LUZP2: variants seen among roughly 807,000 people sequenced by gnomAD.
LUZP2 encodes the protein leucine zipper protein 2.
A neutral mutation model predicts 51.6 loss-of-function variants in LUZP2; 52 were observed. The observed-to-expected ratio is 1.01, with a 90% CI of 0.81 to 1.27. LUZP2 has a LOEUF of 1.27. LUZP2 is among the 50% of genes most tolerant of loss of function. LUZP2 has a pLI of 0.00. For synonymous variants in LUZP2, 154 were observed against 137.3 expected, an observed-to-expected ratio of 1.12 and a Z score of -0.85; for missense variants, 436 against 395.4, an observed-to-expected ratio of 1.10 and a Z score of -0.87.
At chr11:24,896,755 G>A (rs1446529559) in intron 5 of LUZP2, among the ~76,000 whole-genome samples, 2 of 152,232 alleles carry the variant, frequency 1.3e-5, no homozygotes, top group African/African-American at 2.4e-5. Flanking sequence ...AAGCCAGCTG[G>A]GCTCTTGAGT....
intron 1 of LUZP2, among the ~76,000 whole-genome samples, chr11:24,509,780 C>G (rs1850251145): frequency 6.6e-6 from 1 of 151,882 alleles, no homozygotes; most frequent in Non-Finnish European, 1.5e-5. Flanking sequence ...AACACACTAT[C>G]ATTAGCTTGA....
chr11:24,866,648 A>T (rs1328910256), intron 5 of LUZP2, among the ~76,000 whole-genome samples: 1 of 152,222 alleles, frequency 6.6e-6, no homozygotes, highest in Non-Finnish European at 1.5e-5. Flanking sequence ...CACAAAAAAA[A>T]CTGCTATCCC....
At chr11:24,904,066 G>A (rs1853363342) in intron 5 of LUZP2, among the ~76,000 whole-genome samples, 1 of 151,968 alleles carries the variant, frequency 6.6e-6, no homozygotes, top group African/African-American at 2.4e-5. Context: ...TTTCCGTAAT[G>A]GCTGTACTAA....
intron 5 of LUZP2, among the ~76,000 whole-genome samples, chr11:24,890,126 A>G (rs1219895569): frequency 1.3e-5 from 2 of 152,164 alleles, no homozygotes; most frequent in Admixed American, 1.3e-4. Context: ...TTTCCCTCTA[A>G]GAAGTGTATA....
At chr11:24,595,278 A>C (rs1281815752) in intron 1 of LUZP2, among the ~76,000 whole-genome samples, 3 of 152,116 alleles carry the variant, frequency 2.0e-5, no homozygotes, top group Non-Finnish European at 2.9e-5. Flanking sequence ...TTGAGTATCA[A>C]CATTAAGTAT....
chr11:24,744,492 T>G (rs1314666790), intron 4 of LUZP2, among the ~76,000 whole-genome samples: 1 of 152,156 alleles, frequency 6.6e-6, no homozygotes, highest in East Asian at 1.9e-4. Flanking sequence ...CTAGTTTATG[T>G]GCATAAAGGT....
At chr11:24,743,220 G>T (rs1859250335) in intron 4 of LUZP2, among the ~76,000 whole-genome samples, 2 of 151,944 alleles carry the variant, frequency 1.3e-5, no homozygotes, top group Non-Finnish European at 2.9e-5. Context: ...TTCTAATTCT[G>T]AGAAGAATGA....
intron 1 of LUZP2, among the ~76,000 whole-genome samples, chr11:24,719,217 T>C (rs898966006): frequency 1.3e-5 from 2 of 152,242 alleles, no homozygotes; most frequent in Admixed American, 6.5e-5. Flanking sequence ...AATGCTATTA[T>C]ATAAACATTC....
rs1243722934 is a variant in LUZP2, at chr11:24,568,737, A to G, written c.62+71432A>G. Among the ~76,000 whole-genome samples, 7 of 152,076 alleles carry G rather than the reference A, an allele frequency of 4.6e-5. No homozygotes were observed. The East Asian group carries it at 1.3e-3, about 29-fold the overall frequency. ...AAATGTTTCTTAAATTATTAAAAAG[A>G]AAGATTTATAATATTTTCTGTGTCC... is the stretch of plus-strand genomic sequence containing the variant. On this transcript the variant is annotated intron_variant, in intron 1 of 11. Coordinates refer to ENST00000336930, the MANE Select transcript of LUZP2 (RefSeq NM_001009909.4).
intron 9 of LUZP2, among the ~76,000 whole-genome samples, chr11:25,023,134 G>C (rs1408307624): frequency 6.6e-6 from 1 of 152,052 alleles, no homozygotes; most frequent in African/African-American, 2.4e-5. Context: ...TCTCTGCCAG[G>C]CTTTGGTGTC....
At chr11:25,061,246 A>C (rs908356584) in intron 10 of LUZP2, among the ~76,000 whole-genome samples, 1 of 152,204 alleles carries the variant, frequency 6.6e-6, no homozygotes, top group Non-Finnish European at 1.5e-5. Context: ...TTTTGCACAC[A>C]CAGAGATTAT....
At chr11:24,677,749 T>C (rs1856609347) in intron 1 of LUZP2, among the ~76,000 whole-genome samples, 1 of 152,024 alleles carries the variant, frequency 6.6e-6, no homozygotes, top group Admixed American at 6.6e-5. Context: ...AAGAGAGAAA[T>C]AGAGAAAGAC....
intron 5 of LUZP2, among the ~76,000 whole-genome samples, chr11:24,828,954 C>T (rs542903203): frequency 6.6e-6 from 1 of 152,228 alleles, no homozygotes; most frequent in South Asian, 2.1e-4. Context: ...TGGGTTCCAG[C>T]TTAAAATCAA....
chr11:24,983,181 T>G lies in LUZP2; in HGVS notation c.653T>G (p.Phe218Cys). The G allele has an allele frequency of 6.2e-7, 1 of 1,612,312 alleles. No individual in the cohort carries two copies. The highest frequency in any genetic ancestry group is 1.1e-5 in the South Asian group (1 of 91,030). ...ETVQLCLTSV[F>C]RDQPPPPLSL... Reference sequence around the variant, plus strand: ...GTGCAGCTCTGCTTGACATCTGTTTTCCGTGATCAGCCTCCTCCCCCTTTG... The same window carrying G: ...GTGCAGCTCTGCTTGACATCTGTTTGCCGTGATCAGCCTCCTCCCCCTTTG... Residue 218 changes from phenylalanine (F) to cysteine (C), a missense_variant, in exon 9 of 12, where the codon TTC becomes TGC. By Grantham distance (205) the Phe-to-Cys change is radical. Coordinates refer to ENST00000336930, the MANE Select transcript of LUZP2 (RefSeq NM_001009909.4).
At chr11:24,812,974 CA>C (rs1850063826) in intron 5 of LUZP2, among the ~76,000 whole-genome samples, 1 of 152,190 alleles carries the variant, frequency 6.6e-6, no homozygotes, top group Admixed American at 6.5e-5. Context: ...AATACCATGC[CA>C]CTCATGCCAT....
intron 7 of LUZP2, among the ~76,000 whole-genome samples, chr11:24,930,281 G>A (rs974634088): frequency 2.6e-5 from 4 of 152,022 alleles, no homozygotes; most frequent in African/African-American, 7.2e-5. Flanking sequence ...GCTATTTGTT[G>A]CCTGAATACG....
chr11:24,852,897 C>G (rs2134226863), intron 5 of LUZP2, among the ~76,000 whole-genome samples: 1 of 152,106 alleles, frequency 6.6e-6, no homozygotes, highest in Admixed American at 6.6e-5. Context: ...ATTGCAAACC[C>G]CTACTGTTTT....
At chr11:24,849,771 A>G (rs2134218974) in intron 5 of LUZP2, among the ~76,000 whole-genome samples, 1 of 152,224 alleles carries the variant, frequency 6.6e-6, no homozygotes, top group East Asian at 1.9e-4. Context: ...ATTTCTCCAC[A>G]TCCTCTCCAG....
chr11:25,072,622 A>T (rs138534429), intron 10 of LUZP2, among the ~76,000 whole-genome samples: 241 of 152,238 alleles, frequency 1.6e-3, no homozygotes, highest in Admixed American at 2.6e-3. Context: ...GATCTTAGCT[A>T]TAGTTGCAGT....
Sources: gnomAD v4.1 joint callset for allele counts (sites outside exome capture counted in the v4.1 genomes callset) on GRCh38, gnomAD v4.1.1 for gene constraint, MANE v1.5 for transcripts, NCBI Gene and HGNC (gene_info 2026-07-23, HGNC 2026-07-21) for gene names.